The following NRXN3 variants were observed in gnomAD, a reference collection of about 807,000 sequenced individuals.
The protein encoded by NRXN3 is neurexin III.
NRXN3 carries 32 observed loss-of-function variants against 137.6 expected under a neutral mutation model. The observed-to-expected ratio is 0.23, with a 90% CI of 0.18 to 0.31. NRXN3 has a LOEUF of 0.31. Among genes scored for constraint, NRXN3 ranks in the 10% least tolerant of loss-of-function variants. The pLI is 1.00. For missense variants in NRXN3, 1,574 were observed against 2,062.5 expected, an observed-to-expected ratio of 0.76 and a Z score of 4.59; for synonymous variants, 798 against 784.5, an observed-to-expected ratio of 1.02 and a Z score of -0.29.
chr14:79,115,830 AT>A (rs2054341633), intron 15 of NRXN3, among the ~76,000 whole-genome samples: 1 of 152,172 alleles, frequency 6.6e-6, no homozygotes, highest in Admixed American at 6.5e-5. Context: ...CATGTATATG[AT>A]TGTTACTGGT....
At chr14:78,630,209 C>T (rs1369408376) in intron 4 of NRXN3, among the ~76,000 whole-genome samples, 6 of 152,204 alleles carry the variant, frequency 3.9e-5, no homozygotes, top group Non-Finnish European at 5.9e-5. Flanking sequence ...TTTAGACTAA[C>T]ATCTGACTGA....
intron 8 of NRXN3, among the ~76,000 whole-genome samples, chr14:78,771,369 A>G (rs533148737): frequency 6.6e-6 from 1 of 152,276 alleles, no homozygotes; most frequent in South Asian, 2.1e-4. Context: ...ACATTTATTT[A>G]TCTCCTAATA....
At position 78,314,893 on chromosome 14, in the gene NRXN3, C is replaced by CTTTCTT. The variant is rs750155165; in HGVS notation, c.757+17034_757+17035insTTCTTT. ...TTTCTTTTCCGTTCTTTCTTTCTTT[C>CTTTCTT]TCTTTCTTTCTTTCTTTCTTTCTTT... is the stretch of plus-strand genomic sequence containing the variant. On this transcript the variant is annotated intron_variant, in intron 4 of 20. Transcript: ENST00000335750. 2.1e-3 allele frequency among the ~76,000 whole-genome samples: 174 copies of CTTTCTT among 82,098 alleles called. 7 individuals carry two copies. Among genetic ancestry groups the CTTTCTT allele is most frequent in the Middle Eastern group, 6.0e-3 (1 of 166 alleles). 53.9% of individuals were successfully genotyped at this position (82,098 alleles called of 152,430 possible). A position where few individuals can be genotyped will look rare whatever the true frequency, so the allele number is the denominator to read the frequency against.
At chr14:79,783,535 A>T (rs900604960) in intron 19 of NRXN3, among the ~76,000 whole-genome samples, 1 of 152,172 alleles carries the variant, frequency 6.6e-6, no homozygotes, top group Admixed American at 6.6e-5. Context: ...GTTGATATTG[A>T]CTAAAAAACA....
chr14:79,851,421 T>C (rs1382077936), intron 20 of NRXN3, among the ~76,000 whole-genome samples: 1 of 152,052 alleles, frequency 6.6e-6, no homozygotes, highest in Non-Finnish European at 1.5e-5. Context: ...CCCAGAATAA[T>C]GATTAACATT....
chr14:79,699,990 C>T (rs148372383), intron 19 of NRXN3, among the ~76,000 whole-genome samples: 3 of 152,132 alleles, frequency 2.0e-5, no homozygotes, highest in African/African-American at 7.2e-5. Context: ...GAGGAAATAA[C>T]TTTCTGCCAA....
At chr14:78,673,410 C>A (rs183774727) in intron 6 of NRXN3, among the ~76,000 whole-genome samples, 11 of 152,280 alleles carry the variant, frequency 7.2e-5, no homozygotes, top group African/African-American at 2.6e-4. Context: ...TTGATGCCAG[C>A]GGTGTCATCC....
chr14:79,207,136 A>C (rs773377043), intron 15 of NRXN3, among the ~76,000 whole-genome samples: 14 of 152,244 alleles, frequency 9.2e-5, no homozygotes, highest in Middle Eastern at 3.4e-3. Flanking sequence ...CATCAATGAG[A>C]AATCTTCTGC....
At chr14:78,689,672 G>A (rs1229994726) in intron 6 of NRXN3, among the ~76,000 whole-genome samples, 2 of 152,102 alleles carry the variant, frequency 1.3e-5, no homozygotes, top group Non-Finnish European at 1.5e-5. Context: ...ATAGTACAGG[G>A]TAAAATGGTG....
At chr14:79,298,187 A>G (rs2084517545) in intron 15 of NRXN3, among the ~76,000 whole-genome samples, 1 of 152,046 alleles carries the variant, frequency 6.6e-6, no homozygotes, top group African/African-American at 2.4e-5. Context: ...GATTGATTTT[A>G]TATCCATCAG....
rs79972538 is a variant in NRXN3 at position 79,613,526 on chromosome 14, A to G, written c.3445-50252A>G. Reference sequence around the variant, plus strand: ...ACCACTTCTTAACTTCAAGTAGCAAATAGATAACTCACATTAGCATTAGGT... The same window carrying G: ...ACCACTTCTTAACTTCAAGTAGCAAGTAGATAACTCACATTAGCATTAGGT... On this transcript the variant is annotated intron_variant, in intron 16 of 20. Transcript: ENST00000335750. 1.8e-3 allele frequency among the ~76,000 whole-genome samples: 270 copies of G among 152,346 alleles called. 2 individuals are homozygous for G. In the East Asian group the frequency reaches 0.019, roughly 11 times the overall value.
chr14:78,685,519 G>A (rs77132191), intron 6 of NRXN3, among the ~76,000 whole-genome samples: 3 of 151,904 alleles, frequency 2.0e-5, no homozygotes, highest in Non-Finnish European at 2.9e-5. Flanking sequence ...CTGTTCACAT[G>A]ACTGCTCAAG....
At chr14:79,831,743 G>A (rs1241657350) in intron 20 of NRXN3, among the ~76,000 whole-genome samples, 1 of 152,144 alleles carries the variant, frequency 6.6e-6, no homozygotes, top group Non-Finnish European at 1.5e-5. Flanking sequence ...CTAATACAGT[G>A]TTTTGGAAAG....
intron 8 of NRXN3, among the ~76,000 whole-genome samples, chr14:78,743,981 C>G (rs1002835857): frequency 6.6e-6 from 1 of 152,136 alleles, no homozygotes; most frequent in South Asian, 2.1e-4. Context: ...CAATAAAATC[C>G]TGGTTGTTTA....
At chr14:79,135,316 A>G (rs942389749) in intron 15 of NRXN3, among the ~76,000 whole-genome samples, 2 of 152,222 alleles carry the variant, frequency 1.3e-5, no homozygotes, top group African/African-American at 2.4e-5. Flanking sequence ...TCTCCCTTTC[A>G]TAGTTTCTCT....
intron 8 of NRXN3, among the ~76,000 whole-genome samples, chr14:78,734,037 G>GC (rs1439678319): frequency 6.6e-6 from 1 of 152,046 alleles, no homozygotes; most frequent in African/African-American, 2.4e-5. Flanking sequence ...AAGAGAATAG[G>GC]CCTAAATCTC....
intron 4 of NRXN3, among the ~76,000 whole-genome samples, chr14:78,448,159 C>CCG (rs1375456094): frequency 1.3e-5 from 2 of 152,200 alleles, no homozygotes; most frequent in Admixed American, 6.5e-5. Flanking sequence ...ATCATCTTTA[C>CCG]TGTTCAACTT....
At chr14:78,718,376 G>A (rs1195882628) in intron 8 of NRXN3, among the ~76,000 whole-genome samples, 2 of 152,064 alleles carry the variant, frequency 1.3e-5, no homozygotes, top group African/African-American at 4.8e-5. Flanking sequence ...AGCATAGATG[G>A]AATGCTGAAA....
At chr14:78,337,252 G>C (rs921661572) in intron 4 of NRXN3, among the ~76,000 whole-genome samples, 7 of 152,102 alleles carry the variant, frequency 4.6e-5, no homozygotes, top group African/African-American at 1.7e-4. Flanking sequence ...TTCCCTGACT[G>C]TACAGAGGGA....
Sources: allele counts gnomAD v4.1 joint callset (sites outside exome capture counted in the v4.1 genomes callset), GRCh38; gene constraint gnomAD v4.1.1; transcripts MANE v1.5; gene names NCBI Gene and HGNC (gene_info 2026-07-23, HGNC 2026-07-21).